FBXW8: variants seen among roughly 807,000 people sequenced by gnomAD.
FBXW8 encodes F-box/WD repeat-containing protein 8.
A neutral mutation model predicts 65.3 loss-of-function variants in FBXW8; 57 were observed. The ratio of observed to expected loss-of-function variants is 0.87; its 90% CI spans 0.71 to 1.09. The LOEUF (loss-of-function observed/expected upper bound fraction) is 1.09. Among genes scored for constraint, FBXW8 ranks in the 50% least tolerant of loss-of-function variants. The pLI is 0.00. For missense variants in FBXW8, 777 were observed against 814.8 expected (o/e 0.95, Z 0.57); for synonymous variants, 308 against 330.2 (o/e 0.93, Z 0.73).
chr12:117,000,916 G>A (rs190925252), intron 7 of FBXW8, among the ~76,000 whole-genome samples: 1 of 152,358 alleles, frequency 6.6e-6, no homozygotes, highest in Non-Finnish European at 1.5e-5. Context: ...GGAATGACAC[G>A]AGCTGCGCTC....
chr12:117,019,968 G>A (rs904060961), intron 8 of FBXW8, among the ~76,000 whole-genome samples: 2 of 152,164 alleles, frequency 1.3e-5, no homozygotes, highest in Non-Finnish European at 2.9e-5. Flanking sequence ...AGGGCGAAGC[G>A]CACCCCTCTT....
chr12:116,943,151 T>C (rs1431195895), intron 2 of FBXW8, among the ~76,000 whole-genome samples: 1 of 152,192 alleles, frequency 6.6e-6, no homozygotes, highest in African/African-American at 2.4e-5. Flanking sequence ...ATTTTGAACA[T>C]ATTTGAAATA....
At chr12:116,944,079 C>T (rs1370601925) in intron 2 of FBXW8, among the ~76,000 whole-genome samples, 3 of 152,150 alleles carry the variant, frequency 2.0e-5, no homozygotes, top group South Asian at 2.1e-4. Context: ...GCTATCTTCA[C>T]GAGGTTGTTG....
intron 8 of FBXW8, among the ~76,000 whole-genome samples, chr12:117,011,889 C>G (rs1953827197): frequency 6.6e-6 from 1 of 152,106 alleles, no homozygotes; most frequent in African/African-American, 2.4e-5. Flanking sequence ...TACAAAGTTC[C>G]AAAAAGCAAA....
At chr12:116,962,255 G>A (rs556934714) in intron 4 of FBXW8, among the ~76,000 whole-genome samples, 1 of 152,308 alleles carries the variant, frequency 6.6e-6, no homozygotes, top group African/African-American at 2.4e-5. Flanking sequence ...TTATCTGTGG[G>A]GTTCCTGCCC....
intron 4 of FBXW8, among the ~76,000 whole-genome samples, chr12:116,955,789 A>G (rs1445450580): frequency 2.0e-5 from 3 of 152,128 alleles, no homozygotes; most frequent in African/African-American, 7.2e-5. Context: ...TTGCAATCAG[A>G]TGACATCATG....
intron 5 of FBXW8, among the ~76,000 whole-genome samples, chr12:116,970,204 T>C (rs1414945811): frequency 6.6e-6 from 1 of 152,170 alleles, no homozygotes; most frequent in Non-Finnish European, 1.5e-5. Context: ...ATCTCGCTCT[T>C]TGGTGAGAAA....
intron 8 of FBXW8, 71 bp downstream of exon 8, chr12:117,010,521 C>T (rs1383174305): frequency 6.2e-7 from 1 of 1,601,454 alleles, no homozygotes; most frequent in Non-Finnish European, 8.5e-7. Flanking sequence ...CACTGCGCTG[C>T]TCACACTGCC....
intron 2 of FBXW8, among the ~76,000 whole-genome samples, chr12:116,933,249 G>C (rs897564601): frequency 3.9e-5 from 6 of 152,244 alleles, no homozygotes; most frequent in African/African-American, 1.4e-4. Flanking sequence ...CTAATAGCTA[G>C]CTGCTTTACA....
intron 5 of FBXW8, among the ~76,000 whole-genome samples, chr12:116,966,156 A>G (rs998405115): frequency 2.0e-5 from 3 of 152,138 alleles, no homozygotes; most frequent in Non-Finnish European, 4.4e-5. Context: ...TTTTCAGCCT[A>G]TAGAAATTCA....
chr12:116,960,241 A>G lies in FBXW8; in HGVS notation c.678-4456A>G, dbSNP rs11068265. ...TCTGCCCCAACCTGTGTTTTACCCT[A>G]CCAAAGATGTCTGTTTCCTTAGCAC... On this transcript the variant is annotated intron_variant, in intron 4 of 10. Coordinates refer to ENST00000652555, the MANE Select transcript of FBXW8 (RefSeq NM_153348.3). Among the ~76,000 whole-genome samples the G allele has an allele frequency of 8.3e-3, 1,268 of 152,232 alleles. 59 individuals carry two copies. In the South Asian group the frequency reaches 0.11, roughly 13 times the overall value.
chr12:117,007,262 A>G (rs1592951602), intron 7 of FBXW8, among the ~76,000 whole-genome samples: 2 of 133,866 alleles, frequency 1.5e-5, no homozygotes, highest in East Asian at 2.0e-4. Context: ...GATCTCTAAG[A>G]AAAAAAAAAA....
chr12:116,947,882 G>A lies in FBXW8; in HGVS notation c.589-1736G>A, dbSNP rs57767543. The stretch of plus-strand genomic sequence containing the variant: ...TCATGGCGTCATGGTGAGGATGATC[G>A]TCATCAAGTGTCTGCCACTCCTGCA... On this transcript the variant is annotated intron_variant, in intron 3 of 10. Transcript: ENST00000652555. 5.5e-3 allele frequency among the ~76,000 whole-genome samples: 831 copies of A among 152,226 alleles called. 11 individuals carry two copies. The highest frequency in any genetic ancestry group is 0.019 in the African/African-American group (799 of 41,540).
At chr12:116,997,315 G>C (rs989422516) in intron 7 of FBXW8, among the ~76,000 whole-genome samples, 25 of 152,114 alleles carry the variant, frequency 1.6e-4, no homozygotes, top group Admixed American at 2.0e-4. Context: ...ATGATCTTTA[G>C]GATCTCTAGG....
At chr12:117,010,640 T>C (rs894519164) in intron 8 of FBXW8, among the ~76,000 whole-genome samples, 190 bp downstream of exon 8, 6 of 152,264 alleles carry the variant, frequency 3.9e-5, no homozygotes, top group African/African-American at 1.4e-4. Context: ...TGTAGCTATG[T>C]CTCTGCTTCA....
At chr12:116,967,991 C>T (rs1884430138) in intron 5 of FBXW8, among the ~76,000 whole-genome samples, 1 of 152,134 alleles carries the variant, frequency 6.6e-6, no homozygotes. Flanking sequence ...TGGTCTCGAA[C>T]TCCTGACCTC....
intron 7 of FBXW8, among the ~76,000 whole-genome samples, chr12:116,989,784 G>A (rs1016412489): frequency 1.3e-5 from 2 of 152,238 alleles, no homozygotes; most frequent in Non-Finnish European, 2.9e-5. Context: ...GAAGGAACGT[G>A]TCTGGGCCAG....
At chr12:117,017,809 G>T (rs1050894157) in intron 8 of FBXW8, among the ~76,000 whole-genome samples, 1 of 152,096 alleles carries the variant, frequency 6.6e-6, no homozygotes, top group African/African-American at 2.4e-5. Context: ...CTTGCCATCA[G>T]CTACGGTGTT....
At chr12:116,917,180 A>G (rs1387355213) in intron 1 of FBXW8, among the ~76,000 whole-genome samples, 1 of 152,214 alleles carries the variant, frequency 6.6e-6, no homozygotes, top group Non-Finnish European at 1.5e-5. Flanking sequence ...GTCTACCTCA[A>G]AAGCTCTTCC....
Sources: allele counts gnomAD v4.1 joint callset (sites outside exome capture counted in the v4.1 genomes callset), GRCh38; gene constraint gnomAD v4.1.1; transcripts MANE v1.5; gene names NCBI Gene and HGNC (gene_info 2026-07-23, HGNC 2026-07-21).